The following PPP1R16B variants were observed in gnomAD, a reference collection of about 807,000 sequenced individuals.
PPP1R16B encodes the protein protein phosphatase 1 regulatory subunit 16B.
Under a neutral mutation model 61.7 loss-of-function variants are expected in PPP1R16B, and 14 were observed. The observed-to-expected ratio is 0.23, with a 90% CI of 0.15 to 0.35. The LOEUF is 0.35. Among genes scored for constraint, PPP1R16B ranks in the 10% least tolerant of loss-of-function variants. PPP1R16B has a pLI of 1.00. For synonymous variants in PPP1R16B, 266 were observed against 305.3 expected, an observed-to-expected ratio of 0.87 and a Z score of 1.34; for missense variants, 547 against 752.5, an observed-to-expected ratio of 0.73 and a Z score of 3.19.
Position 38,908,198 on chromosome 20 carries a change from G to A in PPP1R16B, c.1194+5G>A. On this transcript the variant is annotated splice_donor_5th_base_variant and intron_variant, in intron 10 of 10. Coordinates refer to ENST00000299824, the MANE Select transcript of PPP1R16B (RefSeq NM_015568.4). ...GACCAAGAGAATAAGGACCCTGTGAGTGGCCTCACGCCCTGCCCTAGTGTC... is the reference window on the plus strand; with the variant it reads ...GACCAAGAGAATAAGGACCCTGTGAATGGCCTCACGCCCTGCCCTAGTGTC... The A allele has an allele frequency of 6.2e-7, 1 of 1,614,206 alleles. No individual in the cohort carries two copies. Among genetic ancestry groups the A allele is most frequent in the Non-Finnish European group, 8.5e-7 (1 of 1,180,026 alleles).
intron 10 of PPP1R16B, among the ~76,000 whole-genome samples, chr20:38,913,866 T>C (rs2085511581): frequency 1.3e-5 from 2 of 151,868 alleles, no homozygotes; most frequent in South Asian, 4.2e-4. Context: ...CAGGATCCTG[T>C]GGGGAGGGGA....
intron 1 of PPP1R16B, among the ~76,000 whole-genome samples, chr20:38,826,379 T>C (rs2084805316): frequency 6.6e-6 from 1 of 152,226 alleles, no homozygotes; most frequent in Admixed American, 6.5e-5. Context: ...GCTTTGTGTG[T>C]GCCCCTGTCC....
chr20:38,816,107 C>T (rs753463750), intron 1 of PPP1R16B, among the ~76,000 whole-genome samples: 14 of 151,820 alleles, frequency 9.2e-5, no homozygotes, highest in Admixed American at 8.5e-4. Context: ...AATAATGGAG[C>T]TTATCCTTAG....
At chr20:38,811,404 G>A (rs80105328) in intron 1 of PPP1R16B, among the ~76,000 whole-genome samples, 1,828 of 152,120 alleles carry the variant, frequency 0.012, 23 homozygotes, top group African/African-American at 0.041. Flanking sequence ...TTCTTCATCT[G>A]GAAATAAAGA....
Position 38,864,364 on chromosome 20 carries a change from C to T in PPP1R16B, c.251-25231C>T, listed in dbSNP as rs62202530. Among the ~76,000 whole-genome samples the T allele has an allele frequency of 6.1e-3, 921 of 152,148 alleles. 4 individuals are homozygous for T. The highest frequency in any genetic ancestry group is 0.021 in the African/African-American group (871 of 41,496). ...CATGTGAATTATGTCTCAATAAAGCCGTTTAAAAATGAAAAGTCAGGGAGA... is the reference window on the plus strand; with the variant it reads ...CATGTGAATTATGTCTCAATAAAGCTGTTTAAAAATGAAAAGTCAGGGAGA... On this transcript the variant is annotated intron_variant, in intron 2 of 10. Transcript: ENST00000299824.
At chr20:38,840,980 T>C (rs776805042) in intron 2 of PPP1R16B, among the ~76,000 whole-genome samples, 1 of 152,210 alleles carries the variant, frequency 6.6e-6, no homozygotes, top group Non-Finnish European at 1.5e-5. Flanking sequence ...CGTAATCTAT[T>C]ATTACAGCAT....
At chr20:38,890,157 T>G (rs1026870050) in intron 3 of PPP1R16B, among the ~76,000 whole-genome samples, 2 of 152,238 alleles carry the variant, frequency 1.3e-5, no homozygotes, top group African/African-American at 2.4e-5. Context: ...GGATGGCTTC[T>G]CTGGCTGTCA....
intron 10 of PPP1R16B, among the ~76,000 whole-genome samples, chr20:38,911,530 GCTC>G (rs1382861492): frequency 6.7e-6 from 1 of 149,274 alleles, no homozygotes; most frequent in Non-Finnish European, 1.5e-5. Flanking sequence ...ACATATCCAT[GCTC>G]CTTTTTTTTT....
At chr20:38,866,155 AAAT>A (rs1260016602) in intron 2 of PPP1R16B, among the ~76,000 whole-genome samples, 10 of 152,042 alleles carry the variant, frequency 6.6e-5, no homozygotes, top group Non-Finnish European at 1.2e-4. Flanking sequence ...ATAAATAAAT[AAAT>A]AATAAAAATT....
At chr20:38,853,055 ACCCATTGCG>A (rs1490843827) in intron 2 of PPP1R16B, among the ~76,000 whole-genome samples, 3 of 151,906 alleles carry the variant, frequency 2.0e-5, no homozygotes, top group Non-Finnish European at 2.9e-5. Context: ...TACAGGCATG[ACCCATTGCG>A]CCCGGCCCCA....
At chr20:38,843,148 C>A (rs2084919177) in intron 2 of PPP1R16B, among the ~76,000 whole-genome samples, 1 of 152,234 alleles carries the variant, frequency 6.6e-6, no homozygotes, top group South Asian at 2.1e-4. Context: ...TGGGTTCTAT[C>A]TACCCATATT....
At chr20:38,856,235 G>A (rs1601260063) in intron 2 of PPP1R16B, among the ~76,000 whole-genome samples, 1 of 151,972 alleles carries the variant, frequency 6.6e-6, no homozygotes, top group East Asian at 1.9e-4. Flanking sequence ...CTGGAGAATG[G>A]GAGAGTAACT....
At chr20:38,895,976 C>T (rs528223203) in intron 4 of PPP1R16B, among the ~76,000 whole-genome samples, 4 of 114,248 alleles carry the variant, frequency 3.5e-5, no homozygotes, top group East Asian at 3.0e-4. Context: ...TCTTCCCTCC[C>T]TCCCTCCTTC....
chr20:38,810,745 G>A (rs181964120), intron 1 of PPP1R16B, among the ~76,000 whole-genome samples: 3 of 152,228 alleles, frequency 2.0e-5, no homozygotes, highest in Admixed American at 1.3e-4. Context: ...ATACCAATCC[G>A]TTGAAATGAA....
At chr20:38,883,445 G>A (rs960272102) in intron 2 of PPP1R16B, among the ~76,000 whole-genome samples, 2 of 152,386 alleles carry the variant, frequency 1.3e-5, no homozygotes, top group Admixed American at 1.3e-4. Context: ...AGCTGGAGAT[G>A]GAGAGGACCA....
chr20:38,907,090 G>C lies in PPP1R16B; in HGVS notation c.898+36G>C. On this transcript the variant is annotated intron_variant, in intron 8 of 10. Coordinates refer to ENST00000299824, the MANE Select transcript of PPP1R16B (RefSeq NM_015568.4). This position sits in a 1 kb window ranked among gnomAD's most constrained non-coding sequence, Gnocchi z 4.5. ...CACAATAGCTGGTGTGCACAAATAG[G>C]CAGTTATCAATGTTTTGATGGGTAG... 3 of 1,527,046 alleles carry C rather than the reference G, an allele frequency of 2.0e-6. No individual in the cohort carries two copies. Among genetic ancestry groups the C allele is most frequent in the Non-Finnish European group, 2.7e-6 (3 of 1,100,856 alleles). 94.6% of individuals were successfully genotyped at this position (1,527,046 alleles called of 1,614,324 possible). A position where few individuals can be genotyped will look rare whatever the true frequency, so the allele number is the denominator to read the frequency against.
chr20:38,882,366 T>C (rs2085209421), intron 2 of PPP1R16B, among the ~76,000 whole-genome samples: 1 of 148,338 alleles, frequency 6.7e-6, no homozygotes, highest in Non-Finnish European at 1.5e-5. Flanking sequence ...TTTAAGTTTG[T>C]TGTTGTTGTT....
chr20:38,838,613 C>T (rs1268138112), intron 2 of PPP1R16B: 13 of 152,282 alleles, frequency 8.5e-5, no homozygotes, highest in African/African-American at 3.1e-4. Context: ...GCAGCCCCAT[C>T]CCCACGCAGT....
At chr20:38,812,148 C>T (rs533832801) in intron 1 of PPP1R16B, among the ~76,000 whole-genome samples, 25 of 152,304 alleles carry the variant, frequency 1.6e-4, no homozygotes, top group African/African-American at 4.3e-4. Flanking sequence ...ACATTCAGAC[C>T]GAGCTCTCTG....
Sources: gnomAD v4.1 joint callset for allele counts (sites outside exome capture counted in the v4.1 genomes callset) on GRCh38, gnomAD v4.1.1 for gene constraint, Gnocchi (gnomAD v3.1) non-coding constraint, MANE v1.5 for transcripts, NCBI Gene and HGNC (gene_info 2026-07-23, HGNC 2026-07-21) for gene names.